The following P4HA2 variants were observed in gnomAD, a reference collection of about 807,000 sequenced individuals.
The protein encoded by P4HA2 is prolyl 4-hydroxylase subunit alpha 2.
P4HA2 carries 46 observed loss-of-function variants against 76.9 expected under a neutral mutation model. That is an observed-to-expected ratio of 0.60 (90% CI 0.47 to 0.76). The LOEUF (loss-of-function observed/expected upper bound fraction) is 0.76, where lower values mean the gene tolerates loss of function less well. P4HA2 is among the 30% of genes least tolerant of loss of function. The pLI, the probability that P4HA2 is intolerant of heterozygous loss-of-function variation, is 0.00. For synonymous variants in P4HA2, 243 were observed against 254.0 expected, an observed-to-expected ratio of 0.96 and a Z score of 0.41; for missense variants, 583 against 669.4, an observed-to-expected ratio of 0.87 and a Z score of 1.42.
intron 1 of P4HA2, among the ~76,000 whole-genome samples, chr5:132,219,807 A>G (rs1449314322): frequency 6.6e-6 from 1 of 152,200 alleles, no homozygotes; most frequent in Admixed American, 6.6e-5. Context: ...TTAGACACAC[A>G]GCACACCCAC....
rs201776392 is a variant in P4HA2 at position 132,203,739 on chromosome 5, T to C, written c.1251+9A>G. ...TCCCAACTCCTACAGTCCCAGGTAC[T>C]ATCTGTACCTGTAACAATTCTGCAG... On this transcript the variant is annotated intron_variant, in intron 10 of 14. Coordinates refer to ENST00000360568, the MANE Select transcript of P4HA2 (RefSeq NM_001017974.2). 3.9e-5 allele frequency: 58 copies of C among 1,501,852 alleles called. No individual in the cohort carries two copies. The highest frequency in any genetic ancestry group is 5.3e-5 in the Non-Finnish European group (57 of 1,077,280). 93.0% of individuals were successfully genotyped at this position (1,501,852 alleles called of 1,614,324 possible). A position where few individuals can be genotyped will look rare whatever the true frequency, so the allele number is the denominator to read the frequency against.
chr5:132,195,412 C>T lies in P4HA2; in HGVS notation c.1434G>A (p.Lys478=), dbSNP rs1209646376. The T allele has an allele frequency of 1.2e-6, 2 of 1,609,732 alleles. No homozygotes were observed. Among genetic ancestry groups the T allele is most frequent in the East Asian group, 2.2e-5 (1 of 44,882 alleles). The change falls in exon 13 of 15, where the codon AAG becomes AAA. Residue 478 remains lysine, a splice_region_variant and synonymous_variant. Coordinates refer to ENST00000360568, the MANE Select transcript of P4HA2 (RefSeq NM_001017974.2). The part of the protein sequence containing the change: ...PDLGAAIWPK[K]GTAVFWYNLL... ...CTGACCCACAAGAATCAGAACTTAC[C>T]TTCTTAGGCCAAATTGCAGCCCCCA...
At position 132,190,649 on chromosome 5, in the gene P4HA2, A is replaced by T. The variant is rs190365464; in HGVS notation, c.*2361T>A. Among the ~76,000 whole-genome samples the T allele has an allele frequency of 6.6e-6, 1 of 152,330 alleles. No individual in the cohort carries two copies. Among genetic ancestry groups the T allele is most frequent in the Non-Finnish European group, 1.5e-5 (1 of 68,024 alleles). ...AGAGAACACAGGAAACATCCTCATG[A>T]TCTTGGGGTATAGAAGGATTTCTCA... On this transcript the variant is annotated 3_prime_UTR_variant, in exon 15 of 15. Transcript: ENST00000360568.
chr5:132,213,245 G>T (rs152047), intron 5 of P4HA2, among the ~76,000 whole-genome samples: 1 of 152,058 alleles, frequency 6.6e-6, no homozygotes, highest in Non-Finnish European at 1.5e-5. Context: ...CCAGCCAAGC[G>T]GCCACTGATG....
In P4HA2 at chr5:132,213,987, G is replaced by C; in HGVS notation, c.398C>G (p.Ala133Gly). 6.2e-7 allele frequency: 1 copy of C among 1,614,120 alleles called. No individual in the cohort carries two copies. Among genetic ancestry groups the C allele is most frequent in the Non-Finnish European group, 8.5e-7 (1 of 1,179,954 alleles). Residue 133 changes from alanine to glycine, a missense_variant, in exon 5 of 15, where the codon GCC becomes GGC. Physicochemically the swap from Ala to Gly is moderately conservative, Grantham distance 60. Coordinates refer to ENST00000360568, the MANE Select transcript of P4HA2 (RefSeq NM_001017974.2). ...FPTDEDEIGA[A>G]KALMRLQDTY... The stretch of plus-strand genomic sequence containing the variant: ...GTCCTGAAGTCTCATCAGGGCTTTG[G>C]CAGCTCCTATCTCGTCCTCATCAGT...
At chr5:132,224,815 C>T (rs76575512) in intron 1 of P4HA2, among the ~76,000 whole-genome samples, 1,983 of 152,232 alleles carry the variant, frequency 0.013, 38 homozygotes, top group African/African-American at 0.046. Context: ...ATCTCCACTA[C>T]ACCCTGGCCC....
intron 7 of P4HA2, 37 bp downstream of exon 7, chr5:132,209,101 C>A: frequency 6.5e-7 from 1 of 1,528,208 alleles, no homozygotes; most frequent in Non-Finnish European, 9.0e-7. Flanking sequence ...AGTCCAGGTC[C>A]ACAGCTTTGG....
chr5:132,213,657 G>A (rs1753418375), intron 5 of P4HA2, among the ~76,000 whole-genome samples: 1 of 152,214 alleles, frequency 6.6e-6, no homozygotes, highest in Non-Finnish European at 1.5e-5. Flanking sequence ...CAGACGTGGA[G>A]GGGGTTCCTG....
chr5:132,197,130 T>TA (rs1750747501), intron 12 of P4HA2, among the ~76,000 whole-genome samples: 1 of 152,162 alleles, frequency 6.6e-6, no homozygotes, highest in South Asian at 2.1e-4. Flanking sequence ...ATGTGAAAGA[T>TA]AAACCCTACA....
At position 132,217,788 on chromosome 5, in the gene P4HA2, A is replaced by T. The variant is rs370773421; in HGVS notation, c.143T>A (p.Ile48Asn). Residue 48 changes from isoleucine to asparagine, a missense_variant, in exon 3 of 15, where the codon ATC becomes AAC. Ile to Asn is a moderately radical substitution (Grantham distance 149). Coordinates refer to ENST00000360568, the MANE Select transcript of P4HA2 (RefSeq NM_001017974.2). ...GGAAAGCTTGGCTTCCTCCACAAGG[A>T]TGTACTCTTTCAGAGACTGCACCAG... The part of the protein sequence containing the change: ...KELVQSLKEY[I>N]LVEEAKLSKI... 2.7e-5 allele frequency: 44 copies of T among 1,612,698 alleles called. No homozygotes were observed. Among genetic ancestry groups the T allele is most frequent in the Non-Finnish European group, 3.6e-5 (43 of 1,178,796 alleles).
In P4HA2 at chr5:132,190,710, G is replaced by A. The variant is rs1404518271; in HGVS notation, c.*2300C>T. ...AAAAAACATAAATCAAAAAGAAAAA[G>A]CTTGATAGATTTGACATAAAAATTA... On this transcript the variant is annotated 3_prime_UTR_variant, in exon 15 of 15. Coordinates refer to ENST00000360568, the MANE Select transcript of P4HA2 (RefSeq NM_001017974.2). Among the ~76,000 whole-genome samples, 1 of 151,932 alleles carries A rather than the reference G, an allele frequency of 6.6e-6. No individual in the cohort carries two copies. The highest frequency in any genetic ancestry group is 2.4e-5 in the African/African-American group (1 of 41,374).
intron 1 of P4HA2, among the ~76,000 whole-genome samples, chr5:132,224,209 C>T (rs1361733956): frequency 1.3e-5 from 2 of 152,256 alleles, no homozygotes; most frequent in African/African-American, 2.4e-5. Flanking sequence ...GACAGGCACA[C>T]CTGCCCTAGG....
intron 4 of P4HA2, 87 bp downstream of exon 4, chr5:132,217,110 A>C: frequency 1.5e-6 from 2 of 1,327,912 alleles, no homozygotes; most frequent in Non-Finnish European, 1.0e-6. Flanking sequence ...ACCAACACCC[A>C]GACCCAAGAC....
At position 132,217,803 on chromosome 5, in the gene P4HA2, G is replaced by C. The variant is rs752001693; in HGVS notation, c.128C>G (p.Ser43Cys). 3 of 1,613,240 alleles carry C rather than the reference G, an allele frequency of 1.9e-6. No homozygotes were observed. In the African/African-American group the frequency reaches 4.0e-5, roughly 22 times the overall value. The change falls in exon 3 of 15, where the codon TCT (serine) becomes TGT (cysteine). Residue 43 changes from serine (S) to cysteine (C), a missense_variant. Transcript: ENST00000360568. ...LIYAEKELVQ[S>C]LKEYILVEEA... ...CTCCACAAGGATGTACTCTTTCAGAGACTGCACCAGCTCTTTCTCTGCATA... is the reference window on the plus strand; with the variant it reads ...CTCCACAAGGATGTACTCTTTCAGACACTGCACCAGCTCTTTCTCTGCATA...
At chr5:132,213,271 C>A (rs1753345036) in intron 5 of P4HA2, among the ~76,000 whole-genome samples, 1 of 152,126 alleles carries the variant, frequency 6.6e-6, no homozygotes, top group Admixed American at 6.5e-5. Flanking sequence ...GTAAGAACAG[C>A]ATCAGTGACA....
In P4HA2 at chr5:132,209,250, T is replaced by C. The variant is rs762836971; in HGVS notation, c.791A>G (p.Asn264Ser). The C allele has an allele frequency of 2.5e-6, 4 of 1,614,046 alleles. No individual in the cohort carries two copies. In the South Asian group the frequency reaches 4.4e-5, roughly 18 times the overall value. Residue 264 changes from asparagine to serine, a missense_variant, in exon 7 of 15, where the codon AAT becomes AGT. Physicochemically the swap from Asn to Ser is conservative, Grantham distance 46 (BLOSUM62 1). Coordinates refer to ENST00000360568, the MANE Select transcript of P4HA2 (RefSeq NM_001017974.2). ...GGTTGCTAGCTCAGCTTCTGTCTGA[T>C]TTGTTAACGTTTTTTCTCTCTCTTC... ...LEEEREKTLT[N>S]QTEAELATPE... is the part of the protein sequence containing the mutation.
At chr5:132,203,584 G>A in intron 10 of P4HA2, 164 bp downstream of exon 10, 1 of 609,648 alleles carries the variant, frequency 1.6e-6, no homozygotes, top group Non-Finnish European at 3.0e-6. Context: ...AAAGCCAGCA[G>A]GCATGATTAA....
At chr5:132,208,125 T>C (rs1000723507) in intron 7 of P4HA2, among the ~76,000 whole-genome samples, 1 of 150,858 alleles carries the variant, frequency 6.6e-6, no homozygotes, top group East Asian at 2.0e-4. Context: ...CTAGATGACA[T>C]AGACCTGTCT....
intron 10 of P4HA2, chr5:132,201,660 G>A (rs943532753): frequency 6.6e-6 from 1 of 152,178 alleles, no homozygotes; most frequent in Non-Finnish European, 1.5e-5. Flanking sequence ...ATTTCCAGAA[G>A]ATCCTTAACT....
Sources: gnomAD v4.1 joint callset for allele counts (sites outside exome capture counted in the v4.1 genomes callset) on GRCh38, gnomAD v4.1.1 for gene constraint, MANE v1.5 for transcripts, NCBI Gene and HGNC (gene_info 2026-07-23, HGNC 2026-07-21) for gene names.